DNAH9: variants seen among roughly 807,000 people sequenced by gnomAD.
The protein encoded by DNAH9 is dynein axonemal heavy chain 9, also known as DNAH9 variant protein.
A neutral mutation model predicts 471.6 loss-of-function variants in DNAH9; 345 were observed. That is an observed-to-expected ratio of 0.73 (90% CI 0.67 to 0.80). The LOEUF is 0.80. Among genes scored for constraint, DNAH9 ranks in the 30% least tolerant of loss-of-function variants. The pLI is 0.00. For synonymous variants in DNAH9, 2,093 were observed against 2,123.6 expected, an observed-to-expected ratio of 0.99 and a Z score of 0.40; for missense variants, 5,407 against 5,609.2, an observed-to-expected ratio of 0.96 and a Z score of 1.15.
chr17:11,904,370 C>T (rs1166237795), intron 60 of DNAH9, among the ~76,000 whole-genome samples: 2 of 152,094 alleles, frequency 1.3e-5, no homozygotes, highest in African/African-American at 4.8e-5. Flanking sequence ...GTGGCTCATG[C>T]CTATAATCCC....
At position 11,739,636 on chromosome 17, in the gene DNAH9, A is replaced by G. The variant is rs2075402772; in HGVS notation, c.5972+599A>G. Among the ~76,000 whole-genome samples, 3 of 152,216 alleles carry G rather than the reference A, an allele frequency of 2.0e-5. No individual in the cohort carries two copies. The South Asian group carries it at 6.2e-4, about 32-fold the overall frequency. On this transcript the variant is annotated intron_variant, in intron 29 of 68. Coordinates refer to ENST00000262442, the MANE Select transcript of DNAH9 (RefSeq NM_001372.4). ...TTTCTAAAAAGAGTAGTACCAAATTACACTCCTCGTAGCGACGCATGAGAG... is the reference window on the plus strand; with the variant it reads ...TTTCTAAAAAGAGTAGTACCAAATTGCACTCCTCGTAGCGACGCATGAGAG...
intron 62 of DNAH9, among the ~76,000 whole-genome samples, chr17:11,928,091 CTTTATTTATTTA>C (rs140957199): frequency 1.6e-4 from 24 of 148,708 alleles, no homozygotes; most frequent in South Asian, 6.4e-4. Context: ...ATACAAAATC[CTTTATTTATTTA>C]TTTATTTATT....
chr17:11,727,223 C>T (rs977518079), intron 27 of DNAH9, among the ~76,000 whole-genome samples: 7 of 152,096 alleles, frequency 4.6e-5, no homozygotes, highest in Non-Finnish European at 1.0e-4. Context: ...ATTGAATGCC[C>T]AGGATGGTTT....
chr17:11,705,106 A>G lies in DNAH9; in HGVS notation c.5473A>G (p.Ile1825Val). The G allele has an allele frequency of 6.2e-7, 1 of 1,614,164 alleles. No individual in the cohort carries two copies. Among genetic ancestry groups the G allele is most frequent in the Non-Finnish European group, 8.5e-7 (1 of 1,179,980 alleles). The change falls in exon 26 of 69, where the codon ATC becomes GTC. Residue 1825 changes from isoleucine to valine, a missense_variant. Coordinates refer to ENST00000262442, the MANE Select transcript of DNAH9 (RefSeq NM_001372.4). ...CGAGGTCAAACACTGCTTTGCCAAC[A>G]TCTGTGATGCCCAGTTTTTGTATTC... The part of the protein sequence containing the change: ...DDEVKHCFAN[I>V]CDAQFLYSYE...
At chr17:11,789,871 G>A (rs1567804046) in intron 41 of DNAH9, among the ~76,000 whole-genome samples, 1 of 151,822 alleles carries the variant, frequency 6.6e-6, no homozygotes, top group African/African-American at 2.4e-5. Flanking sequence ...CATCATGCAA[G>A]CTTTTATATG....
chr17:11,723,825 G>A (rs749898642), intron 27 of DNAH9, among the ~76,000 whole-genome samples: 9 of 151,844 alleles, frequency 5.9e-5, no homozygotes, highest in Admixed American at 2.6e-4. Context: ...CCGCCACCAC[G>A]CCTGGCTAAT....
chr17:11,705,136 G>A lies in DNAH9; in HGVS notation c.5503G>A (p.Glu1835Lys). 1 of 1,614,148 alleles carries A rather than the reference G, an allele frequency of 6.2e-7. No individual in the cohort carries two copies. The highest frequency in any genetic ancestry group is 8.5e-7 in the Non-Finnish European group (1 of 1,180,006). Residue 1835 changes from glutamate to lysine, a missense_variant, in exon 26 of 69, where the codon GAG becomes AAG. Physicochemically the swap from Glu to Lys is moderately conservative, Grantham distance 56. This residue lies in a region of DNAH9 where 4,636 missense variants were observed against 4,900.3 expected (regional missense o/e 0.95). Transcript: ENST00000262442. ...TGATGCCCAGTTTTTGTATTCCTAT[G>A]AGTACCTGGGAAACACACCTCGCTT... ...ICDAQFLYSYEYLGNTPRLVI... is the reference protein window; with the variant it reads ...ICDAQFLYSYKYLGNTPRLVI...
At chr17:11,720,296 C>T (rs1256497222) in intron 27 of DNAH9, among the ~76,000 whole-genome samples, 3 of 151,158 alleles carry the variant, frequency 2.0e-5, no homozygotes, top group Non-Finnish European at 2.9e-5. Flanking sequence ...ATGTGCACAA[C>T]GTGCAGGTTT....
intron 60 of DNAH9, 105 bp from the exon 61 acceptor site, chr17:11,905,556 G>C: frequency 8.0e-7 from 1 of 1,247,466 alleles, no homozygotes; most frequent in Non-Finnish European, 1.1e-6. Flanking sequence ...CCTAGCCCAT[G>C]ACCTTGAGCA....
At chr17:11,917,527 G>A (rs927081113) in intron 61 of DNAH9, among the ~76,000 whole-genome samples, 2 of 152,082 alleles carry the variant, frequency 1.3e-5, no homozygotes, top group African/African-American at 2.4e-5. Flanking sequence ...CTCTGATCAA[G>A]CCTTTAACAG....
In DNAH9 at chr17:11,690,023, C is replaced by G. The variant is rs1210475571; in HGVS notation, c.4201C>G (p.Gln1401Glu). The G allele has an allele frequency of 3.1e-6, 5 of 1,614,178 alleles. No individual in the cohort carries two copies. Among genetic ancestry groups the G allele is most frequent in the South Asian group, 1.1e-5 (1 of 91,078 alleles). Residue 1401 changes from glutamine (Q) to glutamate (E), a missense_variant, in exon 20 of 69, where the codon CAG becomes GAG. Around this residue, in one of 3 missense-constraint regions of DNAH9, gnomAD observed 4,636 missense variants for 4,900.3 expected, o/e 0.95. Coordinates refer to ENST00000262442, the MANE Select transcript of DNAH9 (RefSeq NM_001372.4). ...QATGVSFTMD[Q>E]DTTLAHLLQL... is the part of the protein sequence containing the mutation. ...CACCGGTGTGAGCTTCACTATGGAC[C>G]AGGACACCACCCTAGCGCACCTGCT... is the stretch of plus-strand genomic sequence containing the variant.
chr17:11,822,977 G>A lies in DNAH9; in HGVS notation c.9189G>A (p.Lys3063=). ...TGCACAGGCACAGAAAAGAGCTCAA[G>A]TGCAAGACAGAGCGGTTGGAGAACG... is the stretch of plus-strand genomic sequence containing the variant. ...SLLHRHRKEL[K]CKTERLENGL... The change falls in exon 48 of 69, where the codon AAG becomes AAA. Residue 3063 remains lysine (K), a synonymous_variant. Coordinates refer to ENST00000262442, the MANE Select transcript of DNAH9 (RefSeq NM_001372.4). 2 of 1,614,192 alleles carry A rather than the reference G, an allele frequency of 1.2e-6. No homozygotes were observed. The highest frequency in any genetic ancestry group is 1.7e-6 in the Non-Finnish European group (2 of 1,180,036).
At chr17:11,838,855 A>T (rs1479537535) in intron 49 of DNAH9, among the ~76,000 whole-genome samples, 2 of 152,172 alleles carry the variant, frequency 1.3e-5, no homozygotes, top group African/African-American at 4.8e-5. Context: ...ACTGTCTTTA[A>T]ACCCTTCTGC....
In DNAH9 at chr17:11,699,895, G is replaced by A. The variant is rs775386004; in HGVS notation, c.5025+12G>A. On this transcript the variant is annotated intron_variant, in intron 23 of 68. Coordinates refer to ENST00000262442, the MANE Select transcript of DNAH9 (RefSeq NM_001372.4). Reference sequence around the variant, plus strand: ...ACTGCAGCGGGCAGGTAACACAGTAGCCCTTTCCCCTCCTTCTGCTTTTCT... The same window carrying A: ...ACTGCAGCGGGCAGGTAACACAGTAACCCTTTCCCCTCCTTCTGCTTTTCT... 6.2e-7 allele frequency: 1 copy of A among 1,613,680 alleles called. No individual in the cohort carries two copies. Among genetic ancestry groups the A allele is most frequent in the Non-Finnish European group, 8.5e-7 (1 of 1,179,666 alleles).
At chr17:11,926,464 G>T (rs1292450693) in intron 62 of DNAH9, among the ~76,000 whole-genome samples, 1 of 152,056 alleles carries the variant, frequency 6.6e-6, no homozygotes, top group African/African-American at 2.4e-5. Context: ...GTGTCCATGT[G>T]TTCTCATTGT....
In DNAH9 at chr17:11,823,014, C is replaced by A. The variant is rs749720907; in HGVS notation, c.9226C>A (p.Leu3076Met). The A allele has an allele frequency of 1.9e-6, 3 of 1,613,650 alleles. No individual in the cohort carries two copies. The Admixed American group carries it at 5.0e-5, about 27-fold the overall frequency. Residue 3076 changes from leucine to methionine, a missense_variant, in exon 48 of 69, where the codon CTG becomes ATG. This residue lies in a region of DNAH9 where 4,636 missense variants were observed against 4,900.3 expected (regional missense o/e 0.95). Coordinates refer to ENST00000262442, the MANE Select transcript of DNAH9 (RefSeq NM_001372.4). Reference protein sequence around the residue: ...TERLENGLLKLHSTSAQVDDL... With the variant: ...TERLENGLLKMHSTSAQVDDL... The stretch of plus-strand genomic sequence containing the variant: ...GCGGTTGGAGAACGGGCTGCTGAAG[C>A]TGCATAGCACCTCTGCCCAGGTGAG...
Position 11,744,897 on chromosome 17 carries a change from T to G in DNAH9, c.6212T>G (p.Met2071Arg). The G allele has an allele frequency of 6.2e-7, 1 of 1,614,192 alleles. No individual in the cohort carries two copies. The highest frequency in any genetic ancestry group is 8.5e-7 in the Non-Finnish European group (1 of 1,180,024). The stretch of plus-strand genomic sequence containing the variant: ...GACCGGCCTGAGGACCAGGTCCTGA[T>G]GCGCTCCTTGCGGGATTTCAACATC... Reference protein sequence around the residue: ...DPDRPEDQVLMRSLRDFNIPK... With the variant: ...DPDRPEDQVLRRSLRDFNIPK... The change falls in exon 31 of 69, where the codon ATG (methionine) becomes AGG (arginine). Residue 2071 changes from methionine (M) to arginine (R), a missense_variant. This residue lies in a region of DNAH9 where 4,636 missense variants were observed against 4,900.3 expected (regional missense o/e 0.95). Coordinates refer to ENST00000262442, the MANE Select transcript of DNAH9 (RefSeq NM_001372.4).
At chr17:11,763,147 G>T (rs1030749084) in intron 35 of DNAH9, among the ~76,000 whole-genome samples, 1 of 152,062 alleles carries the variant, frequency 6.6e-6, no homozygotes, top group African/African-American at 2.4e-5. Context: ...ACTGAGAGGG[G>T]ATCATCAACA....
At chr17:11,869,953 C>T (rs949165412) in intron 51 of DNAH9, among the ~76,000 whole-genome samples, 3 of 152,178 alleles carry the variant, frequency 2.0e-5, no homozygotes, top group Admixed American at 1.3e-4. Flanking sequence ...TGGAGGCCCC[C>T]GAGATGACTT....
Sources: allele counts gnomAD v4.1 joint callset (sites outside exome capture counted in the v4.1 genomes callset), GRCh38; gene constraint gnomAD v4.1.1; regional missense constraint gnomAD v4.1.1; transcripts MANE v1.5; gene names NCBI Gene and HGNC (gene_info 2026-07-23, HGNC 2026-07-21).